Variants in LPP observed in about 807,000 individuals in gnomAD.
LPP encodes the protein lipoma-preferred partner.
A neutral mutation model predicts 60.4 loss-of-function variants in LPP; 38 were observed. That is an observed-to-expected ratio of 0.63 (90% CI 0.49 to 0.83). The LOEUF is 0.83. Among genes scored for constraint, LPP ranks in the 40% least tolerant of loss-of-function variants. The pLI, the probability that LPP is intolerant of heterozygous loss-of-function variation, is 0.00. For synonymous variants in LPP, 328 were observed against 290.8 expected (o/e 1.13, Z -1.30); for missense variants, 902 against 783.6 (o/e 1.15, Z -1.80).
rs562874173 is a variant in LPP, at chr3:188,835,188, G to C, written c.1411-31012G>C. The stretch of plus-strand genomic sequence containing the variant: ...AAAGAATAAGCTATGGCCAGGCGCG[G>C]TGGCTCACTCCTGTAATCCTAGCAT... On this transcript the variant is annotated intron_variant, in intron 9 of 11. Transcript: ENST00000617246. Among the ~76,000 whole-genome samples, 45 of 151,978 alleles carry C rather than the reference G, an allele frequency of 3.0e-4. 1 individual carries two copies. The highest frequency in any genetic ancestry group is 9.2e-4 in the African/African-American group (38 of 41,412).
chr3:188,524,933 T>G lies in LPP; in HGVS notation c.429+146T>G, dbSNP rs1424038706. 119 of 660,850 alleles carry G rather than the reference T, an allele frequency of 1.8e-4. 3 individuals are homozygous for G. The highest frequency in any genetic ancestry group is 1.1e-3 in the South Asian group (43 of 39,764). 40.9% of individuals were successfully genotyped at this position (660,850 alleles called of 1,614,324 possible). A position where few individuals can be genotyped will look rare whatever the true frequency, so the allele number is the denominator to read the frequency against. ...CTTCCTTCCTTCCTTCCTTCCTTCC[T>G]TCCTTCCTTCCTTCCTCTCTCTCTC... On this transcript the variant is annotated intron_variant, in intron 6 of 11. Transcript: ENST00000617246.
At chr3:188,656,800 C>T (rs1515421) in intron 7 of LPP, among the ~76,000 whole-genome samples, 139,868 of 152,220 alleles carry the variant, frequency 0.92, 65,163 homozygotes, top group East Asian at 1. Flanking sequence ...CTAACATTGG[C>T]ATTGCACAGC....
chr3:188,629,759 A>G (rs1036092133), intron 7 of LPP, among the ~76,000 whole-genome samples: 1 of 152,136 alleles, frequency 6.6e-6, no homozygotes, highest in African/African-American at 2.4e-5. Context: ...AACCACAAAG[A>G]GCCCAAATAG....
intron 6 of LPP, among the ~76,000 whole-genome samples, chr3:188,577,497 A>T (rs1834887685): frequency 6.6e-6 from 1 of 151,528 alleles, no homozygotes; most frequent in Non-Finnish European, 1.5e-5. Flanking sequence ...TTATCTTTAA[A>T]TTTTCTCTAA....
At chr3:188,430,204 T>G (rs1430856984) in intron 4 of LPP, among the ~76,000 whole-genome samples, 2 of 151,474 alleles carry the variant, frequency 1.3e-5, no homozygotes, top group East Asian at 3.9e-4. Flanking sequence ...TAAGTCTAAA[T>G]TTTGAGGAAA....
rs1577998228 is a variant in LPP, at chr3:188,307,827, A to AG, written c.-66-33836_-66-33835insG. Reference sequence around the variant, plus strand: ...ATTAACACAGGGAATACAGCTGATTATCTCTTAGACATTGTTAGGATAAAT... The same window carrying AG: ...ATTAACACAGGGAATACAGCTGATTAGTCTCTTAGACATTGTTAGGATAAAT... On this transcript the variant is annotated intron_variant, in intron 2 of 11. Coordinates refer to ENST00000617246, the MANE Select transcript of LPP (RefSeq NM_001375462.1). 3.9e-5 allele frequency among the ~76,000 whole-genome samples: 6 copies of AG among 152,344 alleles called. No homozygotes were observed. The East Asian group carries it at 1.2e-3, about 29-fold the overall frequency.
At chr3:188,733,290 C>CGTGTGTGTGT (rs10576864) in intron 8 of LPP, among the ~76,000 whole-genome samples, 121 of 147,180 alleles carry the variant, frequency 8.2e-4, no homozygotes, top group African/African-American at 1.7e-3. Flanking sequence ...TCACCAAAAA[C>CGTGTGTGTGT]GTGTGTGTGT....
At chr3:188,639,809 T>C (rs940989099) in intron 7 of LPP, among the ~76,000 whole-genome samples, 30 of 152,282 alleles carry the variant, frequency 2.0e-4, no homozygotes, top group Non-Finnish European at 3.1e-4. Context: ...AAATCAAAAC[T>C]ACAATGAGAT....
chr3:188,602,882 A>G (rs932986131), intron 6 of LPP, among the ~76,000 whole-genome samples: 3 of 151,898 alleles, frequency 2.0e-5, no homozygotes, highest in South Asian at 2.1e-4. Flanking sequence ...CCCAAGTTCC[A>G]GTGCACAACT....
chr3:188,290,761 C>T (rs1230147769), intron 2 of LPP, among the ~76,000 whole-genome samples: 6 of 152,162 alleles, frequency 3.9e-5, no homozygotes, highest in Non-Finnish European at 7.3e-5. Context: ...GGAATGCATC[C>T]GCATCCTTGA....
chr3:188,584,256 G>A (rs948837603), intron 6 of LPP: 1 of 152,060 alleles, frequency 6.6e-6, no homozygotes, highest in African/African-American at 2.4e-5. Flanking sequence ...AAGGAAATGT[G>A]GCCCTTTTCA....
chr3:188,461,560 G>C (rs1037742045), intron 4 of LPP, among the ~76,000 whole-genome samples: 36 of 152,136 alleles, frequency 2.4e-4, no homozygotes, highest in Admixed American at 2.2e-3. Context: ...TAGTCACTCA[G>C]ACTACTTCAT....
At chr3:188,712,993 T>C (rs1393285391) in intron 8 of LPP, among the ~76,000 whole-genome samples, 1 of 152,198 alleles carries the variant, frequency 6.6e-6, no homozygotes, top group Non-Finnish European at 1.5e-5. Context: ...GAATTATAAT[T>C]ATCGTATGCT....
chr3:188,798,915 A>G (rs1453889780), intron 9 of LPP, among the ~76,000 whole-genome samples: 1 of 152,244 alleles, frequency 6.6e-6, no homozygotes, highest in Non-Finnish European at 1.5e-5. Context: ...ATCTTAAAAT[A>G]CAGCTGCAGT....
At chr3:188,776,848 T>C (rs539801110) in intron 9 of LPP, among the ~76,000 whole-genome samples, 1 of 152,292 alleles carries the variant, frequency 6.6e-6, no homozygotes, top group South Asian at 2.1e-4. Flanking sequence ...TGTAAGACTG[T>C]AGTTTTATAG....
chr3:188,825,275 G>C (rs4999550), intron 9 of LPP, among the ~76,000 whole-genome samples: 1,893 of 83,100 alleles, frequency 0.023, 15 homozygotes, highest in African/African-American at 0.04. Flanking sequence ...CTCTCTGTGT[G>C]TGTGTGTGTG....
chr3:188,816,198 CT>C (rs34839724), intron 9 of LPP, among the ~76,000 whole-genome samples: 18,579 of 103,370 alleles, frequency 0.18, 618 homozygotes, highest in Non-Finnish European at 0.26. Flanking sequence ...GCTTCCTTCT[CT>C]TTTTTTTTTT....
intron 4 of LPP, among the ~76,000 whole-genome samples, chr3:188,462,587 C>CGTGT (rs1799336970): frequency 2.3e-5 from 1 of 43,164 alleles, no homozygotes; most frequent in East Asian, 5.3e-4. Flanking sequence ...TATATATATG[C>CGTGT]ATGTGTGTGT....
Position 188,531,797 on chromosome 3 carries a change from G to A in LPP, c.429+7010G>A, listed in dbSNP as rs186286693. 3.2e-3 allele frequency among the ~76,000 whole-genome samples: 491 copies of A among 152,174 alleles called. 4 individuals are homozygous for A. Among genetic ancestry groups the A allele is most frequent in the Non-Finnish European group, 3.5e-3 (241 of 68,010 alleles). ...ATAATAAACTAGTAAATGTAAGTAA[G>A]CATTTCCCTGAGTTTCATGAGTAAT... On this transcript the variant is annotated intron_variant, in intron 6 of 11. Coordinates refer to ENST00000617246, the MANE Select transcript of LPP (RefSeq NM_001375462.1).
Sources: gnomAD v4.1 joint callset for allele counts (sites outside exome capture counted in the v4.1 genomes callset) on GRCh38, gnomAD v4.1.1 for gene constraint, MANE v1.5 for transcripts, NCBI Gene and HGNC (gene_info 2026-07-23, HGNC 2026-07-21) for gene names.